The following ANXA8 variants were observed in gnomAD, a reference collection of about 807,000 sequenced individuals.
ANXA8 encodes annexin A8, also known as VAC-beta.
A neutral mutation model predicts 26.8 loss-of-function variants in ANXA8; 9 were observed. The ratio of observed to expected loss-of-function variants is 0.34; its 90% confidence interval spans 0.20 to 0.59. ANXA8 has a LOEUF of 0.59. Ranked by LOEUF, ANXA8 falls within the 20% of genes least tolerant of loss-of-function variation. The pLI is 0.84. For missense variants in ANXA8, 83 were observed against 238.5 expected (o/e 0.35, Z 4.29); for synonymous variants, 39 against 94.8 (o/e 0.41, Z 3.42).
chr10:47,974,314 T>C, the ANXA8 span, among the ~76,000 whole-genome samples: 4 of 146,242 alleles, frequency 2.7e-5, no homozygotes, highest in Admixed American at 1.4e-4. Context: ...TAGCTAGTGG[T>C]CTCTCAGTCT....
At chr10:47,632,158 A>C in the ANXA8 span, among the ~76,000 whole-genome samples, 1 of 152,056 alleles carries the variant, frequency 6.6e-6, no homozygotes, top group Non-Finnish European at 1.5e-5. Context: ...AATTATGTTG[A>C]GTGGTTGTGA....
chr10:47,733,295 CTT>C, the ANXA8 span, among the ~76,000 whole-genome samples: 961 of 55,886 alleles, frequency 0.017, 41 homozygotes, highest in East Asian at 0.08. Context: ...TTCTTTCTTT[CTT>C]TTTTTTCTTT....
the ANXA8 span, chr10:47,565,578 C>CCGCGCCCAGG: frequency 3.4e-6 from 1 of 290,976 alleles, no homozygotes; most frequent in Admixed American, 5.4e-5. Context: ...TGCCCGGACG[C>CCGCGCCCAGG]CGCGCCCAGG....
chr10:47,492,592 C>T, the ANXA8 span, among the ~76,000 whole-genome samples: 2 of 143,938 alleles, frequency 1.4e-5, no homozygotes, highest in South Asian at 4.4e-4. Context: ...ACCTGAGCCT[C>T]CGTTTCCTCA....
the ANXA8 span, among the ~76,000 whole-genome samples, chr10:47,614,546 T>C: frequency 3.0e-5 from 2 of 65,970 alleles, 1 homozygote; most frequent in Non-Finnish European, 7.7e-5. Flanking sequence ...GTTCGTATTA[T>C]GGATTATCTA....
At chr10:47,948,755 A>G in the ANXA8 span, among the ~76,000 whole-genome samples, 537 of 150,984 alleles carry the variant, frequency 3.6e-3, 2 homozygotes, top group African/African-American at 0.012. Context: ...CCACCCATCC[A>G]TGATGCTCAA....
the ANXA8 span, among the ~76,000 whole-genome samples, chr10:47,618,828 T>C: frequency 4.4e-5 from 5 of 112,528 alleles, 1 homozygote; most frequent in Admixed American, 4.7e-4. Flanking sequence ...ACAAAACCAT[T>C]GCCAAATTTC....
the ANXA8 span, among the ~76,000 whole-genome samples, chr10:47,500,460 C>T: frequency 6.6e-6 from 1 of 151,130 alleles, no homozygotes; most frequent in Non-Finnish European, 1.5e-5. Context: ...CATAAGGCAC[C>T]TCAGTCTGGC....
At chr10:47,679,785 G>A in the ANXA8 span, among the ~76,000 whole-genome samples, 1 of 151,894 alleles carries the variant, frequency 6.6e-6, no homozygotes, top group Admixed American at 6.6e-5. Context: ...GGGCATGGTG[G>A]CATGGGCCTG....
At chr10:47,971,423 A>G in the ANXA8 span, among the ~76,000 whole-genome samples, 6 of 148,050 alleles carry the variant, frequency 4.1e-5, no homozygotes, top group Non-Finnish European at 7.5e-5. Context: ...CAACTCCTAA[A>G]TCACAAAAAC....
At chr10:47,486,053 A>G (rs1469840184), upstream of ANXA8, among the ~76,000 whole-genome samples, 5 of 151,684 alleles carry the variant, frequency 3.3e-5, no homozygotes, top group Non-Finnish European at 7.4e-5. Context: ...GGTTACAGTG[A>G]GCCAAGAACA....
the ANXA8 span, among the ~76,000 whole-genome samples, chr10:47,649,829 G>C: frequency 8.9e-6 from 1 of 112,846 alleles, no homozygotes; most frequent in African/African-American, 3.6e-5. Flanking sequence ...CTCTAGACTC[G>C]AGCGGTCCTC....
At chr10:47,534,846 GT>G in the ANXA8 span, among the ~76,000 whole-genome samples, 1 of 93,154 alleles carries the variant, frequency 1.1e-5, no homozygotes, top group East Asian at 4.3e-4. Flanking sequence ...GTAGAGATGG[GT>G]TTTTTCCATG....
chr10:47,535,712 A>G, the ANXA8 span, among the ~76,000 whole-genome samples: 1 of 63,924 alleles, frequency 1.6e-5, no homozygotes, highest in East Asian at 5.8e-4. Flanking sequence ...AAAATATGTA[A>G]TATGTGATCA....
At chr10:47,769,885 T>A in the ANXA8 span, among the ~76,000 whole-genome samples, 2 of 150,882 alleles carry the variant, frequency 1.3e-5, no homozygotes, top group African/African-American at 4.8e-5. Context: ...AGAAAAGAGG[T>A]TTAATTGGCT....
chr10:47,699,696 C>T, the ANXA8 span, among the ~76,000 whole-genome samples: 4 of 151,412 alleles, frequency 2.6e-5, no homozygotes, highest in Non-Finnish European at 1.5e-5. Context: ...GGTGTGGTGG[C>T]ACACACCTGT....
At chr10:47,639,290 G>A in the ANXA8 span, among the ~76,000 whole-genome samples, 1 of 140,040 alleles carries the variant, frequency 7.1e-6, no homozygotes, top group African/African-American at 2.7e-5. Flanking sequence ...CTGCTACCAC[G>A]CCCGGCTAAT....
At chr10:47,607,523 A>G in the ANXA8 span, among the ~76,000 whole-genome samples, 46 of 147,130 alleles carry the variant, frequency 3.1e-4, no homozygotes, top group African/African-American at 9.3e-4. Context: ...TTGGCATAAC[A>G]TTGTACAATC....
chr10:47,743,329 C>T, the ANXA8 span, among the ~76,000 whole-genome samples: 16 of 47,778 alleles, frequency 3.3e-4, no homozygotes, highest in Admixed American at 6.0e-4. Context: ...TATATATATA[C>T]ATATATATAT....
Sources: allele counts gnomAD v4.1 joint callset (sites outside exome capture counted in the v4.1 genomes callset), GRCh38; gene constraint gnomAD v4.1.1; transcripts MANE v1.5; gene names NCBI Gene and HGNC (gene_info 2026-07-23, HGNC 2026-07-21).